Variants in PPP1R12A observed in about 807,000 individuals in gnomAD.
PPP1R12A encodes protein phosphatase 1 regulatory subunit 12A, also known as myosin binding subunit.
In PPP1R12A, 19 loss-of-function variants were observed where a neutral mutation model predicts 139.6. The ratio of observed to expected loss-of-function variants is 0.14; its 90% CI spans 0.09 to 0.20. The LOEUF (loss-of-function observed/expected upper bound fraction) is 0.20, where lower values mean the gene tolerates loss of function less well. Ranked by LOEUF, PPP1R12A falls within the 10% of genes least tolerant of loss-of-function variation. PPP1R12A has a pLI of 1.00. For synonymous variants in PPP1R12A, 427 were observed against 420.6 expected (o/e 1.02, Z -0.19); for missense variants, 925 against 1,211.5 (o/e 0.76, Z 3.51).
At chr12:79,901,046 T>C (rs1885592019) in intron 1 of PPP1R12A, among the ~76,000 whole-genome samples, 1 of 152,136 alleles carries the variant, frequency 6.6e-6, no homozygotes, top group South Asian at 2.1e-4. Flanking sequence ...AAACTTCTAT[T>C]TTGGGTGGAA....
At chr12:79,837,679 G>A (rs1307483110) in intron 3 of PPP1R12A, among the ~76,000 whole-genome samples, 1 of 152,138 alleles carries the variant, frequency 6.6e-6, no homozygotes, top group Non-Finnish European at 1.5e-5. Context: ...TCTTGTGATA[G>A]TGAGTGAGTT....
Position 79,781,814 on chromosome 12 carries a change from C to T in PPP1R12A, c.2955+1G>A. On this transcript the variant is annotated splice_donor_variant, in intron 23 of 24. Coordinates refer to ENST00000450142, the MANE Select transcript of PPP1R12A (RefSeq NM_002480.3). LOFTEE classifies it high-confidence loss of function. Reference sequence around the variant, plus strand: ...AATTATTTAATAAGTGGGACACTTACCCTTTTTTCCATTTCCAACAGTGAT... The same window carrying T: ...AATTATTTAATAAGTGGGACACTTATCCTTTTTTCCATTTCCAACAGTGAT... 6.6e-7 allele frequency: 1 copy of T among 1,517,780 alleles called. No individual in the cohort carries two copies. Among genetic ancestry groups the T allele is most frequent in the Non-Finnish European group, 8.9e-7 (1 of 1,121,552 alleles). The allele number at this position is 1,517,780 out of a possible 1,614,324, so 94.0% of individuals were successfully genotyped here.
At position 79,775,888 on chromosome 12, in the gene PPP1R12A, A is replaced by C. The variant is rs1869654184; in HGVS notation, c.*41T>G. On this transcript the variant is annotated 3_prime_UTR_variant, in exon 25 of 25. Coordinates refer to ENST00000450142, the MANE Select transcript of PPP1R12A (RefSeq NM_002480.3). ...ACTGCCAATTATGGTCCACTGGGTT[A>C]CTAATATGTGCAATTCCATTACTTG... The C allele has an allele frequency of 1.4e-6, 2 of 1,389,826 alleles. No individual in the cohort carries two copies. Among genetic ancestry groups the C allele is most frequent in the Non-Finnish European group, 2.0e-6 (2 of 1,018,740 alleles). The allele number at this position is 1,389,826 out of a possible 1,614,324, so 86.1% of individuals were successfully genotyped here.
chr12:79,857,124 CATGCACACGT>C (rs1880752466), intron 2 of PPP1R12A, among the ~76,000 whole-genome samples: 1 of 152,262 alleles, frequency 6.6e-6, no homozygotes, highest in East Asian at 1.9e-4. Context: ...TATAAAGACA[CATGCACACGT>C]ATGTTTATTG....
intron 1 of PPP1R12A, among the ~76,000 whole-genome samples, chr12:79,887,096 C>T (rs923904379): frequency 6.6e-5 from 10 of 152,108 alleles, no homozygotes; most frequent in African/African-American, 1.7e-4. Context: ...TTGGTAGATA[C>T]AAAGACCAAC....
At chr12:79,838,154 G>A (rs1225938264) in intron 3 of PPP1R12A, among the ~76,000 whole-genome samples, 1 of 152,238 alleles carries the variant, frequency 6.6e-6, no homozygotes, top group Non-Finnish European at 1.5e-5. Flanking sequence ...GTTGGTCTCA[G>A]ATGGAGATGA....
chr12:79,887,324 T>TAC (rs1565798152), intron 1 of PPP1R12A, among the ~76,000 whole-genome samples: 1 of 152,096 alleles, frequency 6.6e-6, no homozygotes, highest in African/African-American at 2.4e-5. Context: ...GGCTAGATTA[T>TAC]AGTTCCTTAA....
chr12:79,833,099 G>C (rs1448978508), intron 3 of PPP1R12A, among the ~76,000 whole-genome samples: 1 of 152,012 alleles, frequency 6.6e-6, no homozygotes, highest in Non-Finnish European at 1.5e-5. Flanking sequence ...CACTACCCTA[G>C]GTTGAGGTGA....
At chr12:79,858,296 C>T (rs760821257) in intron 2 of PPP1R12A, among the ~76,000 whole-genome samples, 4 of 152,172 alleles carry the variant, frequency 2.6e-5, no homozygotes, top group Non-Finnish European at 4.4e-5. Flanking sequence ...AACCCAAGAG[C>T]TTACCTATTT....
intron 1 of PPP1R12A, among the ~76,000 whole-genome samples, chr12:79,916,991 G>A (rs1180095796): frequency 6.6e-6 from 1 of 151,786 alleles, no homozygotes; most frequent in Non-Finnish European, 1.5e-5. Context: ...ACTGTTAACA[G>A]TTGAGGTACT....
chr12:79,903,898 C>A (rs886654865), intron 1 of PPP1R12A, among the ~76,000 whole-genome samples: 2 of 152,142 alleles, frequency 1.3e-5, no homozygotes, highest in African/African-American at 2.4e-5. Flanking sequence ...TCTACCTCTC[C>A]CTCCCAACAC....
Position 79,790,831 on chromosome 12 carries a change from G to A in PPP1R12A, c.2650-348C>T, listed in dbSNP as rs114637416. Among the ~76,000 whole-genome samples the A allele has an allele frequency of 5.2e-3, 791 of 152,106 alleles. 5 individuals carry two copies. The highest frequency in any genetic ancestry group is 0.018 in the African/African-American group (751 of 41,502). On this transcript the variant is annotated intron_variant, in intron 19 of 24. Coordinates refer to ENST00000450142, the MANE Select transcript of PPP1R12A (RefSeq NM_002480.3). ...TAGTCTTTTTCAGTAGTCAAATTTA[G>A]CCTTTTCTTTTTCTATTGAAATACT...
chr12:79,814,095 T>A (rs1430363469), intron 9 of PPP1R12A, among the ~76,000 whole-genome samples: 4 of 152,282 alleles, frequency 2.6e-5, no homozygotes, highest in African/African-American at 9.6e-5. Context: ...GAAAAAATTT[T>A]AAAAAATACT....
chr12:79,933,898 A>T lies in PPP1R12A; in HGVS notation c.237+797T>A, dbSNP rs534851353. On this transcript the variant is annotated intron_variant, in intron 1 of 24. Transcript: ENST00000450142. ...GAGCTTGGTAACCGGCTTTGAAAAG[A>T]GTGTCCCCTATTTATTCTTCTCTTT... Among the ~76,000 whole-genome samples the T allele has an allele frequency of 4.6e-5, 7 of 152,310 alleles. No individual in the cohort carries two copies. The South Asian group carries it at 8.3e-4, about 18-fold the overall frequency.
intron 2 of PPP1R12A, among the ~76,000 whole-genome samples, chr12:79,852,465 G>C (rs1346596984): frequency 1.3e-5 from 2 of 151,956 alleles, no homozygotes; most frequent in Non-Finnish European, 2.9e-5. Flanking sequence ...CAAAGTGCTA[G>C]GATTACAGTC....
chr12:79,864,515 C>G (rs1212258230), intron 2 of PPP1R12A, among the ~76,000 whole-genome samples: 2 of 151,534 alleles, frequency 1.3e-5, no homozygotes, highest in African/African-American at 4.9e-5. Flanking sequence ...AAGACAGAGA[C>G]AGAAAAAAAA....
chr12:79,776,427 C>T (rs1380122387), intron 24 of PPP1R12A, among the ~76,000 whole-genome samples: 2 of 151,960 alleles, frequency 1.3e-5, no homozygotes, highest in Admixed American at 1.3e-4. Context: ...TAATATTGTT[C>T]CACAAGAAAG....
intron 1 of PPP1R12A, among the ~76,000 whole-genome samples, chr12:79,923,366 T>C (rs1887593938): frequency 6.6e-6 from 1 of 152,248 alleles, no homozygotes; most frequent in East Asian, 1.9e-4. Context: ...AGGAAAGGAC[T>C]AGGAAAATAA....
intron 1 of PPP1R12A, among the ~76,000 whole-genome samples, chr12:79,927,707 G>A (rs958405397): frequency 1.3e-5 from 2 of 152,180 alleles, no homozygotes; most frequent in Non-Finnish European, 2.9e-5. Flanking sequence ...TTAACTTTGA[G>A]CAAGTGAAAA....
Sources: allele counts gnomAD v4.1 joint callset (sites outside exome capture counted in the v4.1 genomes callset), GRCh38; gene constraint gnomAD v4.1.1; transcripts MANE v1.5; gene names NCBI Gene and HGNC (gene_info 2026-07-23, HGNC 2026-07-21).